RUFY3: variants seen among roughly 807,000 people sequenced by gnomAD.
RUFY3 encodes the protein protein RUFY3.
In RUFY3, 34 loss-of-function variants were observed where a neutral mutation model predicts 84.0. The ratio of observed to expected loss-of-function variants is 0.40; its 90% CI spans 0.31 to 0.54. RUFY3 has a LOEUF of 0.54. Among genes scored for constraint, RUFY3 ranks in the 20% least tolerant of loss-of-function variants. The pLI is 0.39. For missense variants in RUFY3, 507 were observed against 736.8 expected (o/e 0.69, Z 3.61); for synonymous variants, 242 against 252.9 (o/e 0.96, Z 0.41).
intron 1 of RUFY3, among the ~76,000 whole-genome samples, chr4:70,735,073 T>C (rs1237769365): frequency 2.0e-5 from 3 of 152,196 alleles, no homozygotes; most frequent in African/African-American, 7.2e-5. Flanking sequence ...TGCCACTCAG[T>C]GATAGAGCTC....
intron 1 of RUFY3, among the ~76,000 whole-genome samples, chr4:70,734,893 C>T (rs1393242109): frequency 3.3e-5 from 5 of 152,180 alleles, no homozygotes; most frequent in Admixed American, 3.3e-4. Flanking sequence ...CTGGACCTTT[C>T]GTGAAACAGA....
intron 1 of RUFY3, among the ~76,000 whole-genome samples, chr4:70,758,822 G>C (rs747619488): frequency 4.0e-5 from 6 of 151,664 alleles, no homozygotes; most frequent in African/African-American, 1.5e-4. Context: ...GGTAGATCAC[G>C]AGGTCAGGAG....
chr4:70,783,534 A>T (rs148327901), intron 9 of RUFY3, among the ~76,000 whole-genome samples: 1 of 152,374 alleles, frequency 6.6e-6, no homozygotes, highest in East Asian at 1.9e-4. Context: ...GTGACACCTT[A>T]TTTATATATC....
At chr4:70,772,191 G>A (rs1359437759) in intron 5 of RUFY3, among the ~76,000 whole-genome samples, 1 of 151,716 alleles carries the variant, frequency 6.6e-6, no homozygotes, top group Admixed American at 6.6e-5. Context: ...TCAAAGTCGT[G>A]TTGTTCAAGA....
At chr4:70,787,471 G>A (rs1239408947) in intron 10 of RUFY3, among the ~76,000 whole-genome samples, 1 of 151,442 alleles carries the variant, frequency 6.6e-6, no homozygotes, top group East Asian at 1.9e-4. Context: ...TGGCCAGGCT[G>A]GTCTCAAACT....
At chr4:70,734,957 C>T (rs543217527) in intron 1 of RUFY3, among the ~76,000 whole-genome samples, 1 of 152,230 alleles carries the variant, frequency 6.6e-6, no homozygotes, top group South Asian at 2.1e-4. Flanking sequence ...CACATTAACT[C>T]TTCTTTGGGT....
intron 1 of RUFY3, among the ~76,000 whole-genome samples, chr4:70,711,775 T>G (rs1478890573): frequency 6.6e-6 from 1 of 152,234 alleles, no homozygotes. Flanking sequence ...CCTGAGCTAC[T>G]GAGGGACAGG....
chr4:70,751,827 T>C lies in RUFY3; in HGVS notation c.179-10692T>C, dbSNP rs538679226. ...ATAAAATATTTAGACCTGTGTTTCC[T>C]TCTAAGAGTTTTATAGTTTTAGCTC... On this transcript the variant is annotated intron_variant, in intron 1 of 17. Coordinates refer to ENST00000381006, the MANE Select transcript of RUFY3 (RefSeq NM_001037442.4). 2.1e-4 allele frequency among the ~76,000 whole-genome samples: 32 copies of C among 152,374 alleles called. No homozygotes were observed. In the South Asian group the frequency reaches 6.6e-3, roughly 32 times the overall value.
intron 1 of RUFY3, among the ~76,000 whole-genome samples, chr4:70,714,720 A>G (rs925841975): frequency 3.3e-5 from 5 of 152,230 alleles, no homozygotes; most frequent in Non-Finnish European, 7.3e-5. Flanking sequence ...CGTAAGAGGT[A>G]TGCAAAATGC....
intron 14 of RUFY3, among the ~76,000 whole-genome samples, chr4:70,799,068 C>G (rs1731890715): frequency 6.6e-6 from 1 of 150,596 alleles, no homozygotes; most frequent in African/African-American, 2.4e-5. Flanking sequence ...TCGCTTGAAA[C>G]CAGGAGGCAG....
intron 12 of RUFY3, among the ~76,000 whole-genome samples, chr4:70,790,601 A>G (rs1730650556): frequency 6.6e-6 from 1 of 152,196 alleles, no homozygotes; most frequent in African/African-American, 2.4e-5. Context: ...GGGAACTCCC[A>G]TAGCTTCATA....
chr4:70,796,781 G>A (rs1181141314), intron 14 of RUFY3, among the ~76,000 whole-genome samples: 1 of 152,004 alleles, frequency 6.6e-6, no homozygotes, highest in Non-Finnish European at 1.5e-5. Context: ...CCACTTCTTT[G>A]GGGACAATCC....
intron 12 of RUFY3, chr4:70,789,923 A>G: frequency 5.9e-6 from 6 of 1,019,614 alleles, no homozygotes; most frequent in Non-Finnish European, 7.1e-6. Context: ...TCTTAAATGT[A>G]TGTATGTAAT....
At chr4:70,731,289 T>C (rs531521256) in intron 1 of RUFY3, among the ~76,000 whole-genome samples, 85 of 152,194 alleles carry the variant, frequency 5.6e-4, no homozygotes, top group South Asian at 2.9e-3. Flanking sequence ...CTGTCCACCT[T>C]GGCCTCCCAA....
At chr4:70,775,475 CGTAT>C (rs1262692534) in intron 7 of RUFY3, among the ~76,000 whole-genome samples, 3 of 151,102 alleles carry the variant, frequency 2.0e-5, no homozygotes, top group Non-Finnish European at 4.4e-5. Context: ...TATAATATTA[CGTAT>C]GTAATTATAA....
upstream of RUFY3, among the ~76,000 whole-genome samples, chr4:70,719,390 T>A (rs1340380080): frequency 6.6e-6 from 1 of 152,232 alleles, no homozygotes; most frequent in African/African-American, 2.4e-5. Context: ...TGTTGGTATG[T>A]TGCAATCAAT....
Position 70,762,698 on chromosome 4 carries a change from CCAT to C in RUFY3, c.352+9_352+11del, listed in dbSNP as rs1560511455. The C allele has an allele frequency of 6.2e-7, 1 of 1,604,502 alleles. No homozygotes were observed. On this transcript the variant is annotated splice_region_variant and intron_variant, in intron 2 of 17. Coordinates refer to ENST00000381006, the MANE Select transcript of RUFY3 (RefSeq NM_001037442.4). Reference sequence around the variant, plus strand: ...TCTGAAACATGGCTTGAAAGGTAGGCCATCACCCCAAAATGCAAATATGCATGC... The same window carrying C: ...TCTGAAACATGGCTTGAAAGGTAGGCCACCCCAAAATGCAAATATGCATGC...
rs2148585304 is a variant in RUFY3, at chr4:70,722,245, A to G, written c.-329A>G. 1 of 1,232,422 alleles carries G rather than the reference A, an allele frequency of 8.1e-7. No homozygotes were observed. Among genetic ancestry groups the G allele is most frequent in the Non-Finnish European group, 1.0e-6 (1 of 988,850 alleles). 76.3% of individuals were successfully genotyped at this position (1,232,422 alleles called of 1,614,324 possible). Reference sequence around the variant, plus strand: ...ATCAGCTGTGCGGGATTTAAAGCCTATAGCTCAGCTGAAAAAAAAGGTGGG... The same window carrying G: ...ATCAGCTGTGCGGGATTTAAAGCCTGTAGCTCAGCTGAAAAAAAAGGTGGG... On this transcript the variant is annotated 5_prime_UTR_variant, in exon 1 of 18. Coordinates refer to ENST00000381006, the MANE Select transcript of RUFY3 (RefSeq NM_001037442.4).
upstream of RUFY3, chr4:70,704,692 G>C (rs1353797410): frequency 6.9e-6 from 2 of 289,144 alleles, no homozygotes; most frequent in East Asian, 1.2e-4. Context: ...GGGGCTGGAG[G>C]AGGCGGCCGG....
Sources: gnomAD v4.1 joint callset for allele counts (sites outside exome capture counted in the v4.1 genomes callset) on GRCh38, gnomAD v4.1.1 for gene constraint, MANE v1.5 for transcripts, NCBI Gene and HGNC (gene_info 2026-07-23, HGNC 2026-07-21) for gene names.